Variants in EIF4G3 observed in about 807,000 individuals in gnomAD.
EIF4G3 encodes eIF-4-gamma 3.
In EIF4G3, 34 loss-of-function variants were observed where a neutral mutation model predicts 186.4. The ratio of observed to expected loss-of-function variants is 0.18; its 90% CI spans 0.14 to 0.24. The LOEUF (loss-of-function observed/expected upper bound fraction) is 0.24. Among genes scored for constraint, EIF4G3 ranks in the 10% least tolerant of loss-of-function variants. EIF4G3 has a pLI of 1.00. For missense variants in EIF4G3, 1,536 were observed against 1,948.5 expected, an observed-to-expected ratio of 0.79 and a Z score of 3.99; for synonymous variants, 673 against 679.5, an observed-to-expected ratio of 0.99 and a Z score of 0.15.
chr1:21,044,637 G>T (rs2093770784), intron 4 of EIF4G3, among the ~76,000 whole-genome samples: 2 of 141,054 alleles, frequency 1.4e-5, no homozygotes, highest in Admixed American at 7.0e-5. Context: ...AACTTCATTC[G>T]TTTTTTTTTT....
intron 29 of EIF4G3, among the ~76,000 whole-genome samples, chr1:20,845,387 G>A (rs571966496): frequency 6.6e-6 from 1 of 152,286 alleles, no homozygotes; most frequent in Admixed American, 6.5e-5. Flanking sequence ...AGTAGGCTGG[G>A]CGCGGTGGCT....
chr1:20,914,261 A>G (rs139033433), intron 14 of EIF4G3, among the ~76,000 whole-genome samples: 5 of 152,218 alleles, frequency 3.3e-5, no homozygotes, highest in Non-Finnish European at 5.9e-5. Context: ...TACCTGGCAA[A>G]ACTGACTTTA....
chr1:20,970,827 G>A lies in EIF4G3; in HGVS notation c.592-1231C>T, dbSNP rs556907315. Among the ~76,000 whole-genome samples, 6 of 152,036 alleles carry A rather than the reference G, an allele frequency of 3.9e-5. No individual in the cohort carries two copies. The East Asian group carries it at 1.2e-3, about 30-fold the overall frequency. On this transcript the variant is annotated intron_variant, in intron 11 of 36. Transcript: ENST00000602326. ...AAAAATACAAAAATTAGCTGGGTGC[G>A]GTGGCAGGCGCCTGTAATCCCAGCT...
At chr1:20,837,660 C>G (rs2067161657) in intron 30 of EIF4G3, among the ~76,000 whole-genome samples, 1 of 152,136 alleles carries the variant, frequency 6.6e-6, no homozygotes, top group South Asian at 2.1e-4. Flanking sequence ...AAGGACAATA[C>G]TATCTTTGTA....
chr1:20,838,235 T>C (rs201239894), intron 30 of EIF4G3, among the ~76,000 whole-genome samples: 1 of 152,172 alleles, frequency 6.6e-6, no homozygotes, highest in African/African-American at 2.4e-5. Flanking sequence ...AGTTCAATTA[T>C]AGCCAATAAA....
chr1:20,955,355 C>G (rs1221301369), intron 12 of EIF4G3, among the ~76,000 whole-genome samples: 6 of 152,088 alleles, frequency 3.9e-5, no homozygotes, highest in Non-Finnish European at 8.8e-5. Flanking sequence ...CCTCAGCCTC[C>G]TAAGCAGCTA....
intron 30 of EIF4G3, among the ~76,000 whole-genome samples, chr1:20,831,961 G>GTAT (rs2065402228): frequency 7.9e-6 from 1 of 127,298 alleles, no homozygotes; most frequent in Non-Finnish European, 1.7e-5. Context: ...TGGCTGCATA[G>GTAT]TATTCCATGG....
intron 8 of EIF4G3, among the ~76,000 whole-genome samples, chr1:20,981,702 A>G (rs1185613777): frequency 2.9e-5 from 4 of 140,260 alleles, no homozygotes; most frequent in East Asian, 2.1e-4. Context: ...ATACGCACAT[A>G]CTGTATGTAT....
intron 20 of EIF4G3, among the ~76,000 whole-genome samples, chr1:20,872,296 C>CT (rs5772921): frequency 2.2e-3 from 327 of 148,496 alleles, no homozygotes; most frequent in African/African-American, 7.6e-3. Context: ...CTTTTTCACA[C>CT]TTTTTTTTTT....
intron 2 of EIF4G3, among the ~76,000 whole-genome samples, chr1:21,165,446 A>T (rs938548892): frequency 6.6e-6 from 1 of 152,186 alleles, no homozygotes; most frequent in Non-Finnish European, 1.5e-5. Context: ...TTCATTATCC[A>T]AAGGCCAAAA....
intron 12 of EIF4G3, among the ~76,000 whole-genome samples, chr1:20,956,147 A>T (rs1253068849): frequency 1.3e-5 from 2 of 152,220 alleles, no homozygotes; most frequent in Non-Finnish European, 2.9e-5. Context: ...AACCACATAG[A>T]TCAGTTCTTT....
At chr1:20,835,302 T>C (rs1276335373) in intron 30 of EIF4G3, among the ~76,000 whole-genome samples, 1 of 151,978 alleles carries the variant, frequency 6.6e-6, no homozygotes, top group Non-Finnish European at 1.5e-5. Flanking sequence ...CAATATACCA[T>C]TCATTACACA....
At chr1:20,952,844 C>T (rs2096275594) in intron 12 of EIF4G3, among the ~76,000 whole-genome samples, 1 of 147,158 alleles carries the variant, frequency 6.8e-6, no homozygotes, top group African/African-American at 2.5e-5. Flanking sequence ...GAGCAAGGCT[C>T]CGTCTCGAAA....
chr1:21,013,151 A>G (rs6681064), intron 4 of EIF4G3, among the ~76,000 whole-genome samples: 61,502 of 151,760 alleles, frequency 0.41, 12,794 homozygotes, highest in Non-Finnish European at 0.43. Context: ...TCTGGGAGGG[A>G]TCACAGTGTG....
In EIF4G3 at chr1:20,809,193, A is replaced by C. The variant is rs192907045; in HGVS notation, c.4744+1545T>G. Among the ~76,000 whole-genome samples the C allele has an allele frequency of 2.3e-3, 343 of 152,224 alleles. 1 individual carries two copies. The highest frequency in any genetic ancestry group is 6.8e-3 in the Middle Eastern group (2 of 294). On this transcript the variant is annotated intron_variant, in intron 36 of 36. Transcript: ENST00000602326. ...TCACCATGTTGGCCAGGCTGGTCTC[A>C]AACTCCTGACCTCGGGTGATCTGCA... is the stretch of plus-strand genomic sequence containing the variant.
intron 12 of EIF4G3, 41 bp from the exon 13 acceptor site, chr1:20,950,152 G>A (rs375518306): frequency 1.2e-5 from 17 of 1,459,654 alleles, no homozygotes; most frequent in Admixed American, 2.4e-5. Context: ...ATGAGCGTGC[G>A]AACATAAAAA....
At chr1:20,879,669 A>C (rs532012833) in intron 19 of EIF4G3, 149 bp from the exon 20 acceptor site, 6 of 468,968 alleles carry the variant, frequency 1.3e-5, no homozygotes, top group South Asian at 8.1e-5. Context: ...TAATTAAACT[A>C]ATCTATTTTA....
At chr1:20,821,993 T>C (rs555771073) in intron 33 of EIF4G3, among the ~76,000 whole-genome samples, 9 of 152,004 alleles carry the variant, frequency 5.9e-5, no homozygotes, top group Non-Finnish European at 1.2e-4. Context: ...TTTTCCTGCC[T>C]CAGCCTCCTG....
At chr1:20,929,975 A>G (rs767343223) in intron 14 of EIF4G3, among the ~76,000 whole-genome samples, 1 of 152,248 alleles carries the variant, frequency 6.6e-6, no homozygotes, top group South Asian at 2.1e-4. Flanking sequence ...TAATATTGCA[A>G]TAAAGCGAGT....
Sources: gnomAD v4.1 joint callset for allele counts (sites outside exome capture counted in the v4.1 genomes callset) on GRCh38, gnomAD v4.1.1 for gene constraint, MANE v1.5 for transcripts, NCBI Gene and HGNC (gene_info 2026-07-23, HGNC 2026-07-21) for gene names.